Variants in WDFY4 observed in about 807,000 individuals in gnomAD.
WDFY4 encodes WDFY family member 4, also known as WD repeat- and FYVE domain-containing protein 4.
In WDFY4, 169 loss-of-function variants were observed where a neutral mutation model predicts 351.9. The observed-to-expected ratio is 0.48, with a 90% CI of 0.42 to 0.55. The LOEUF (loss-of-function observed/expected upper bound fraction) is 0.55. WDFY4 is among the 20% of genes least tolerant of loss of function. WDFY4 has a pLI of 0.00. For missense variants in WDFY4, 3,803 were observed against 3,935.6 expected (o/e 0.97, Z 0.90); for synonymous variants, 1,622 against 1,574.6 (o/e 1.03, Z -0.71).
intron 5 of WDFY4, among the ~76,000 whole-genome samples, chr10:48,724,963 G>A (rs1485652746): frequency 1.3e-5 from 2 of 152,198 alleles, no homozygotes; most frequent in East Asian, 1.9e-4. Context: ...AGAGAAATCA[G>A]TGGAGTCTAT....
chr10:48,944,315 G>A (rs892207119), intron 49 of WDFY4, among the ~76,000 whole-genome samples: 1 of 152,194 alleles, frequency 6.6e-6, no homozygotes, highest in African/African-American at 2.4e-5. Context: ...ATGGTGAGAT[G>A]ACAAGAACAG....
At chr10:48,853,687 G>A (rs975817838) in intron 39 of WDFY4, among the ~76,000 whole-genome samples, 3 of 152,196 alleles carry the variant, frequency 2.0e-5, no homozygotes, top group African/African-American at 7.2e-5. Context: ...GGCTTCTGTT[G>A]GAAAGCTCTC....
chr10:48,976,640 C>T, intron 58 of WDFY4, 157 bp from the exon 59 acceptor site: 1 of 523,822 alleles, frequency 1.9e-6, no homozygotes. Context: ...ACACAGCAGA[C>T]CTGTAAGTCA....
At chr10:48,901,318 C>T (rs1456774263) in intron 46 of WDFY4, among the ~76,000 whole-genome samples, 7 of 152,338 alleles carry the variant, frequency 4.6e-5, no homozygotes, top group African/African-American at 1.7e-4. Flanking sequence ...TCATTTCCCC[C>T]TATGGTTTCT....
At chr10:48,694,322 C>A (rs781480346) in intron 1 of WDFY4, among the ~76,000 whole-genome samples, 1 of 152,126 alleles carries the variant, frequency 6.6e-6, no homozygotes, top group South Asian at 2.1e-4. Flanking sequence ...TGGACAAAGC[C>A]AGGTCTAGTT....
chr10:48,922,974 G>C (rs1839227909), intron 47 of WDFY4, among the ~76,000 whole-genome samples: 1 of 152,146 alleles, frequency 6.6e-6, no homozygotes, highest in African/African-American at 2.4e-5. Context: ...GTGGTTACAT[G>C]AATCTGTACA....
In WDFY4 at chr10:48,978,306, C is replaced by T. The variant is rs1268674567; in HGVS notation, c.9292-3C>T. 6.4e-7 allele frequency: 1 copy of T among 1,550,694 alleles called. No homozygotes were observed. Among genetic ancestry groups the T allele is most frequent in the Non-Finnish European group, 8.7e-7 (1 of 1,146,480 alleles). On this transcript the variant is annotated splice_region_variant and splice_polypyrimidine_tract_variant and intron_variant, in intron 59 of 61. Coordinates refer to ENST00000325239, the MANE Select transcript of WDFY4 (RefSeq NM_001394531.1). ...GCCGATGACATTTGCTCTTTTGGGG[C>T]AGGTTTGGAAGACTGAGGATGTGAA...
chr10:48,687,030 A>G (rs1159788090), intron 1 of WDFY4, among the ~76,000 whole-genome samples: 1 of 152,026 alleles, frequency 6.6e-6, no homozygotes, highest in Non-Finnish European at 1.5e-5. Context: ...TCAGCATTTG[A>G]TATTGTCTGG....
At chr10:48,698,376 C>T (rs1377961847) in intron 1 of WDFY4, among the ~76,000 whole-genome samples, 1 of 152,216 alleles carries the variant, frequency 6.6e-6, no homozygotes, top group Admixed American at 6.5e-5. Flanking sequence ...GACAAGGCCC[C>T]TGTGACAGTC....
chr10:48,732,817 C>T (rs1469711228), intron 9 of WDFY4, among the ~76,000 whole-genome samples: 1 of 152,152 alleles, frequency 6.6e-6, no homozygotes, highest in Non-Finnish European at 1.5e-5. Context: ...AGACAGACAC[C>T]CAGGGAGGAG....
intron 45 of WDFY4, 88 bp downstream of exon 45, chr10:48,897,662 T>A (rs1837153031): frequency 1.3e-6 from 2 of 1,486,730 alleles, no homozygotes; most frequent in African/African-American, 2.8e-5. Context: ...GAGACACACC[T>A]CTGTGACTCT....
chr10:48,720,201 C>G, intron 3 of WDFY4, 76 bp downstream of exon 3: 2 of 1,412,718 alleles, frequency 1.4e-6, no homozygotes, highest in Admixed American at 2.1e-5. Context: ...GCCTCTCAGG[C>G]CCCCCTCTGC....
intron 43 of WDFY4, 57 bp from the exon 44 acceptor site, chr10:48,890,522 A>G (rs1443112372): frequency 6.5e-7 from 1 of 1,548,722 alleles, no homozygotes; most frequent in East Asian, 2.4e-5. Context: ...TGTTTCCCCC[A>G]AGAATCATGG....
intron 34 of WDFY4, 116 bp downstream of exon 34, chr10:48,821,292 C>G: frequency 1.3e-6 from 1 of 780,796 alleles, no homozygotes; most frequent in South Asian, 1.7e-5. Flanking sequence ...CTCCACCTGG[C>G]GTCAGTCCCT....
intron 43 of WDFY4, among the ~76,000 whole-genome samples, chr10:48,888,389 G>C (rs1339208494): frequency 6.6e-6 from 1 of 150,550 alleles, no homozygotes; most frequent in Non-Finnish European, 1.5e-5. Context: ...AGCAGCTCCT[G>C]TCAATTCTCC....
At chr10:48,738,921 C>T (rs533669084) in intron 11 of WDFY4, among the ~76,000 whole-genome samples, 97 of 152,334 alleles carry the variant, frequency 6.4e-4, no homozygotes, top group Admixed American at 1.7e-3. Context: ...GGAGAAGCAA[C>T]TTAGGGCAGT....
At chr10:48,758,119 G>C (rs556098039) in intron 12 of WDFY4, among the ~76,000 whole-genome samples, 2 of 152,176 alleles carry the variant, frequency 1.3e-5, no homozygotes, top group African/African-American at 4.8e-5. Context: ...ATTATTCTTA[G>C]AACAAGTCTG....
chr10:48,957,496 C>T (rs184485449), intron 52 of WDFY4, among the ~76,000 whole-genome samples: 1 of 152,196 alleles, frequency 6.6e-6, no homozygotes, highest in South Asian at 2.1e-4. Flanking sequence ...TGCTGAGCCA[C>T]CACCCGACCT....
At chr10:48,926,363 C>T (rs1451070692) in intron 47 of WDFY4, among the ~76,000 whole-genome samples, 1 of 152,210 alleles carries the variant, frequency 6.6e-6, no homozygotes, top group Non-Finnish European at 1.5e-5. Flanking sequence ...TGCTCCAGCC[C>T]ATTTTAATTT....
Sources: allele counts gnomAD v4.1 joint callset (sites outside exome capture counted in the v4.1 genomes callset), GRCh38; gene constraint gnomAD v4.1.1; transcripts MANE v1.5; gene names NCBI Gene and HGNC (gene_info 2026-07-23, HGNC 2026-07-21).